The following ROCK1 variants were observed in gnomAD, a reference collection of about 807,000 sequenced individuals.
The protein encoded by ROCK1 is rho-associated protein kinase 1.
Under a neutral mutation model 196.8 loss-of-function variants are expected in ROCK1, and 36 were observed. That is an observed-to-expected ratio of 0.18 (90% CI 0.14 to 0.24). ROCK1 has a LOEUF of 0.24. Among genes scored for constraint, ROCK1 ranks in the 10% least tolerant of loss-of-function variants. The pLI is 1.00. For synonymous variants in ROCK1, 443 were observed against 515.9 expected, an observed-to-expected ratio of 0.86 and a Z score of 1.91; for missense variants, 920 against 1,562.0, an observed-to-expected ratio of 0.59 and a Z score of 6.93.
At chr18:21,063,530 T>C (rs1002162342) in intron 2 of ROCK1, among the ~76,000 whole-genome samples, 4 of 152,200 alleles carry the variant, frequency 2.6e-5, no homozygotes, top group African/African-American at 9.6e-5. Flanking sequence ...AATGTCAGCG[T>C]GTAGCTGATG....
intron 28 of ROCK1, 69 bp downstream of exon 28, chr18:20,960,062 CTAATA>C: frequency 3.5e-6 from 4 of 1,134,900 alleles, no homozygotes; most frequent in South Asian, 2.6e-5. Context: ...AAAAAAGTAG[CTAATA>C]TAAGTTCTAT....
chr18:21,080,221 T>C (rs2036471691), intron 1 of ROCK1, among the ~76,000 whole-genome samples: 1 of 152,014 alleles, frequency 6.6e-6, no homozygotes, highest in Admixed American at 6.6e-5. Context: ...AAACGGCCAA[T>C]TTTCCATAAA....
At chr18:20,987,968 T>A (rs1028729750) in intron 18 of ROCK1, among the ~76,000 whole-genome samples, 1 of 152,172 alleles carries the variant, frequency 6.6e-6, no homozygotes, top group African/African-American at 2.4e-5. Flanking sequence ...CATCTCCACC[T>A]AGATATCTAA....
intron 1 of ROCK1, among the ~76,000 whole-genome samples, chr18:21,076,567 TAC>T (rs1007163263): frequency 2.0e-5 from 3 of 152,044 alleles, no homozygotes; most frequent in Non-Finnish European, 2.9e-5. Flanking sequence ...TACATATATA[TAC>T]ACACATAAAA....
In ROCK1 at chr18:21,111,746, A is replaced by AG. The variant is rs1424005680; in HGVS notation, c.-837dup. ...CGGCGAATGCCTGGGGGGTGGGGCG[A>AG]GGGGGGCTGAGAGGGACTAATATGT... On this transcript the variant is annotated 5_prime_UTR_variant, in exon 1 of 33. Coordinates refer to ENST00000399799, the MANE Select transcript of ROCK1 (RefSeq NM_005406.3). The surrounding 1 kb of genome is among the most constrained non-coding windows in gnomAD (Gnocchi z 4.2). 4 of 144,992 alleles carry AG rather than the reference A, an allele frequency of 2.8e-5. No homozygotes were observed. Among genetic ancestry groups the AG allele is most frequent in the Non-Finnish European group, 4.5e-5 (3 of 66,104 alleles). 9.0% of individuals were successfully genotyped at this position (144,992 alleles called of 1,614,324 possible). A position where few individuals can be genotyped will look rare whatever the true frequency, so the allele number is the denominator to read the frequency against.
intron 1 of ROCK1, among the ~76,000 whole-genome samples, chr18:21,076,802 C>G (rs1469594523): frequency 1.3e-5 from 2 of 151,968 alleles, no homozygotes; most frequent in Non-Finnish European, 2.9e-5. Context: ...TCAAAAGTAA[C>G]AAGCTATCTG....
intron 1 of ROCK1, among the ~76,000 whole-genome samples, chr18:21,088,120 A>G (rs757080160): frequency 1.1e-4 from 17 of 152,382 alleles, no homozygotes; most frequent in Middle Eastern, 3.4e-3. Flanking sequence ...CTGAATGAAA[A>G]TGAGAACACA....
chr18:20,979,670 T>C (rs536892980), intron 22 of ROCK1, among the ~76,000 whole-genome samples: 1 of 152,004 alleles, frequency 6.6e-6, no homozygotes, highest in African/African-American at 2.4e-5. Context: ...CTGAAAACAA[T>C]TGTCAAACCA....
chr18:20,962,769 T>C (rs1407265475), intron 27 of ROCK1, among the ~76,000 whole-genome samples: 2 of 152,018 alleles, frequency 1.3e-5, no homozygotes, highest in African/African-American at 4.8e-5. Flanking sequence ...TATGTGAAGG[T>C]TTTTGCCAAT....
At chr18:21,015,848 C>T (rs1442185963) in intron 12 of ROCK1, among the ~76,000 whole-genome samples, 6 of 151,408 alleles carry the variant, frequency 4.0e-5, no homozygotes, top group Non-Finnish European at 5.9e-5. Flanking sequence ...GGCATGGTGG[C>T]GGGCGCCTGT....
At chr18:21,031,536 C>A (rs557229395) in intron 9 of ROCK1, among the ~76,000 whole-genome samples, 1 of 139,110 alleles carries the variant, frequency 7.2e-6, no homozygotes, top group African/African-American at 2.7e-5. Context: ...ACCCAGGAGG[C>A]GGAGCTTGCA....
At chr18:21,015,937 G>C (rs928366432) in intron 12 of ROCK1, among the ~76,000 whole-genome samples, 1 of 151,424 alleles carries the variant, frequency 6.6e-6, no homozygotes, top group Non-Finnish European at 1.5e-5. Flanking sequence ...CCGAGATCAT[G>C]CTACTGTACT....
intron 6 of ROCK1, among the ~76,000 whole-genome samples, chr18:21,043,600 T>C (rs1305583270): frequency 6.8e-6 from 1 of 147,408 alleles, no homozygotes; most frequent in Admixed American, 6.8e-5. Context: ...ATATACATAA[T>C]ATGTATATAC....
chr18:21,097,089 G>C (rs2036619008), intron 1 of ROCK1, among the ~76,000 whole-genome samples: 1 of 152,176 alleles, frequency 6.6e-6, no homozygotes, highest in Admixed American at 6.5e-5. Flanking sequence ...GAGTAGGTGA[G>C]ATACTATAGA....
intron 1 of ROCK1, among the ~76,000 whole-genome samples, chr18:21,070,896 T>G (rs922788673): frequency 6.6e-6 from 1 of 152,192 alleles, no homozygotes; most frequent in South Asian, 2.1e-4. Context: ...CATAAGGACA[T>G]GAAATTTTAT....
chr18:21,103,345 T>C (rs2036675644), intron 1 of ROCK1, among the ~76,000 whole-genome samples: 1 of 152,152 alleles, frequency 6.6e-6, no homozygotes, highest in Non-Finnish European at 1.5e-5. Context: ...TACCCCAACA[T>C]CATTTAACTG....
chr18:21,047,649 C>A (rs1452939158), intron 4 of ROCK1, among the ~76,000 whole-genome samples: 48 of 152,116 alleles, frequency 3.2e-4, no homozygotes, highest in African/African-American at 1.1e-3. Context: ...AAAATAATAG[C>A]CGGGCGTGGT....
intron 18 of ROCK1, among the ~76,000 whole-genome samples, chr18:20,990,477 C>T (rs774795136): frequency 2.7e-5 from 4 of 150,896 alleles, no homozygotes; most frequent in Admixed American, 6.6e-5. Context: ...TTTGGGAGGC[C>T]GAAGTCAGGA....
chr18:20,981,067 G>A (rs188505773), intron 21 of ROCK1, among the ~76,000 whole-genome samples: 3 of 151,984 alleles, frequency 2.0e-5, no homozygotes. Flanking sequence ...TGAGGGGTGG[G>A]ATGTACTGGG....
Sources: allele counts gnomAD v4.1 joint callset (sites outside exome capture counted in the v4.1 genomes callset), GRCh38; gene constraint gnomAD v4.1.1; non-coding constraint Gnocchi (gnomAD v3.1); transcripts MANE v1.5; gene names NCBI Gene and HGNC (gene_info 2026-07-23, HGNC 2026-07-21).